The following FBXO11 variants were observed in gnomAD, a reference collection of about 807,000 sequenced individuals.
FBXO11 encodes the protein F-box only protein 11.
A neutral mutation model predicts 117.0 loss-of-function variants in FBXO11; 13 were observed. The ratio of observed to expected loss-of-function variants is 0.11; its 90% CI spans 0.07 to 0.18. FBXO11 has a LOEUF of 0.18. Ranked by LOEUF, FBXO11 falls within the 10% of genes least tolerant of loss-of-function variation. The probability of loss-of-function intolerance (pLI) is 1.00; values close to 1 mark genes in which losing one functional copy is unlikely to be tolerated. For synonymous variants in FBXO11, 490 were observed against 380.5 expected (o/e 1.29, Z -3.35); for missense variants, 767 against 1,164.4 (o/e 0.66, Z 4.97).
chr2:47,828,821 T>C lies in FBXO11; in HGVS notation c.1398+3528A>G, dbSNP rs184244733. Reference sequence around the variant, plus strand: ...AGTACCTTAGACTTTCAATGAAGTGTAGTTGTCCCCAAGTAACTAAAGGCT... The same window carrying C: ...AGTACCTTAGACTTTCAATGAAGTGCAGTTGTCCCCAAGTAACTAAAGGCT... On this transcript the variant is annotated intron_variant, in intron 11 of 22. Coordinates refer to ENST00000403359, the MANE Select transcript of FBXO11 (RefSeq NM_001190274.2). Among the ~76,000 whole-genome samples, 485 of 152,326 alleles carry C rather than the reference T, an allele frequency of 3.2e-3. 5 individuals are homozygous for C. Among genetic ancestry groups the C allele is most frequent in the African/African-American group, 0.01 (425 of 41,578 alleles).
In FBXO11 at chr2:47,808,904, C is replaced by T. The variant is rs1026707954; in HGVS notation, c.2555+254G>A. The T allele has an allele frequency of 8.7e-6, 3 of 345,544 alleles. No individual in the cohort carries two copies. The Admixed American group carries it at 1.3e-4, about 15-fold the overall frequency. The allele number at this position is 345,544 out of a possible 1,614,324, so 21.4% of individuals were successfully genotyped here. On this transcript the variant is annotated intron_variant, in intron 21 of 22. Coordinates refer to ENST00000403359, the MANE Select transcript of FBXO11 (RefSeq NM_001190274.2). ...TAGAGACAGGGTCTCCCTATGTTGC[C>T]CAGGCTGGTTTAGAACTCCTGGGCT...
chr2:47,899,950 G>A (rs1288560218), intron 1 of FBXO11, among the ~76,000 whole-genome samples: 1 of 151,876 alleles, frequency 6.6e-6, no homozygotes, highest in Non-Finnish European at 1.5e-5. Flanking sequence ...CAAACGGTGG[G>A]GGGCGGGGGG....
At chr2:47,862,796 T>A (rs1048797713) in intron 1 of FBXO11, among the ~76,000 whole-genome samples, 19 of 152,140 alleles carry the variant, frequency 1.2e-4, no homozygotes, top group Non-Finnish European at 1.8e-4. Flanking sequence ...GGCTCACACC[T>A]GTAATCCCAG....
intron 12 of FBXO11, among the ~76,000 whole-genome samples, chr2:47,822,598 TC>T (rs1671468646): frequency 6.6e-6 from 1 of 152,178 alleles, no homozygotes; most frequent in Non-Finnish European, 1.5e-5. Context: ...AAAATCTACT[TC>T]CATAAAGCCA....
chr2:47,901,073 A>G (rs1572934272), intron 1 of FBXO11, among the ~76,000 whole-genome samples: 2 of 123,252 alleles, frequency 1.6e-5, no homozygotes, highest in African/African-American at 2.7e-5. Flanking sequence ...GTATATATAT[A>G]CACACGTGTG....
chr2:47,897,455 G>C (rs1677759036), intron 1 of FBXO11, among the ~76,000 whole-genome samples: 1 of 152,198 alleles, frequency 6.6e-6, no homozygotes, highest in African/African-American at 2.4e-5. Flanking sequence ...CCAGCATTTT[G>C]GGAGGCTTAG....
At chr2:47,831,188 A>C (rs1310038172) in intron 11 of FBXO11, among the ~76,000 whole-genome samples, 4 of 151,822 alleles carry the variant, frequency 2.6e-5, no homozygotes, top group African/African-American at 9.7e-5. Context: ...AGGCCGAGGC[A>C]GGTGAATCAC....
chr2:47,810,688 A>G, intron 18 of FBXO11: 1 of 331,170 alleles, frequency 3.0e-6, no homozygotes, highest in Non-Finnish European at 5.5e-6. Flanking sequence ...TTTACTCAGC[A>G]CTTCATCTTC....
intron 11 of FBXO11, among the ~76,000 whole-genome samples, chr2:47,825,643 A>G (rs1671697311): frequency 6.8e-6 from 1 of 146,754 alleles, no homozygotes; most frequent in Admixed American, 6.9e-5. Flanking sequence ...GCAAGGGTGC[A>G]ATCACTCACT....
chr2:47,881,770 G>A (rs1211011592), intron 1 of FBXO11, among the ~76,000 whole-genome samples: 2 of 151,110 alleles, frequency 1.3e-5, no homozygotes, highest in African/African-American at 4.9e-5. Context: ...TTTTGAGACA[G>A]AGTCTCGCTC....
chr2:47,879,567 C>A (rs1041133134), intron 1 of FBXO11, among the ~76,000 whole-genome samples: 1 of 152,164 alleles, frequency 6.6e-6, no homozygotes, highest in Non-Finnish European at 1.5e-5. Flanking sequence ...CGATTCATAT[C>A]TTTGCTCGGT....
chr2:47,878,593 A>C (rs1676191584), intron 1 of FBXO11, among the ~76,000 whole-genome samples: 2 of 148,768 alleles, frequency 1.3e-5, no homozygotes, highest in African/African-American at 4.9e-5. Flanking sequence ...CTGACCTCGA[A>C]CTCCTCAATC....
Position 47,834,773 on chromosome 2 carries a change from A to G in FBXO11, c.801+15T>C, listed in dbSNP as rs183571348. ...GATTACCATTTTAAGTCATAAAAAT[A>G]AAAATCAAACATACCAACATATTTT... On this transcript the variant is annotated intron_variant, in intron 6 of 22. Coordinates refer to ENST00000403359, the MANE Select transcript of FBXO11 (RefSeq NM_001190274.2). 1 of 1,609,002 alleles carries G rather than the reference A, an allele frequency of 6.2e-7. No homozygotes were observed. Among genetic ancestry groups the G allele is most frequent in the Non-Finnish European group, 8.5e-7 (1 of 1,177,934 alleles).
At chr2:47,826,628 G>C (rs28361296) in intron 11 of FBXO11, among the ~76,000 whole-genome samples, 6,249 of 152,194 alleles carry the variant, frequency 0.041, 443 homozygotes, top group African/African-American at 0.14. Flanking sequence ...ATTTTGGTTA[G>C]ATTAGTGTGC....
At chr2:47,812,847 A>T (rs1016352443) in intron 18 of FBXO11, 5 of 255,224 alleles carry the variant, frequency 2.0e-5, no homozygotes, top group African/African-American at 4.6e-5. Context: ...AGTTGAAAAC[A>T]GTTACAAAAG....
At chr2:47,900,912 GTA>G (rs776225530) in intron 1 of FBXO11, among the ~76,000 whole-genome samples, 2 of 131,184 alleles carry the variant, frequency 1.5e-5, no homozygotes, top group African/African-American at 2.9e-5. Context: ...ACATATATAT[GTA>G]TATATATACA....
At chr2:47,831,071 TTA>T (rs1487955516) in intron 11 of FBXO11, among the ~76,000 whole-genome samples, 6 of 150,844 alleles carry the variant, frequency 4.0e-5, no homozygotes, top group Non-Finnish European at 8.9e-5. Flanking sequence ...AGTGCTGGGA[TTA>T]CAGGTGTGAG....
chr2:47,842,264 T>C (rs896322313), intron 1 of FBXO11, among the ~76,000 whole-genome samples: 5 of 152,098 alleles, frequency 3.3e-5, no homozygotes, highest in African/African-American at 9.7e-5. Context: ...TCTGCCCGCC[T>C]CGGCCTCCCA....
At chr2:47,808,465 G>A in intron 21 of FBXO11, 38 bp from the exon 22 acceptor site, 1 of 1,510,082 alleles carries the variant, frequency 6.6e-7, no homozygotes, top group Non-Finnish European at 8.9e-7. Context: ...TCTCAAACAT[G>A]TCATTAATGC....
Sources: gnomAD v4.1 joint callset for allele counts (sites outside exome capture counted in the v4.1 genomes callset) on GRCh38, gnomAD v4.1.1 for gene constraint, MANE v1.5 for transcripts, NCBI Gene and HGNC (gene_info 2026-07-23, HGNC 2026-07-21) for gene names.